The following SPOCK3 variants were observed in gnomAD, a reference collection of about 807,000 sequenced individuals.
The protein encoded by SPOCK3 is testican-3.
Under a neutral mutation model 56.6 loss-of-function variants are expected in SPOCK3, and 30 were observed. That is an observed-to-expected ratio of 0.53 (90% CI 0.40 to 0.72). SPOCK3 has a LOEUF of 0.72. Among genes scored for constraint, SPOCK3 ranks in the 30% least tolerant of loss-of-function variants. The pLI is 0.00. For missense variants in SPOCK3, 527 were observed against 530.0 expected (o/e 0.99, Z 0.06); for synonymous variants, 196 against 183.3 (o/e 1.07, Z -0.56).
At chr4:167,135,974 A>C (rs1257197827) in intron 2 of SPOCK3, among the ~76,000 whole-genome samples, 1 of 152,182 alleles carries the variant, frequency 6.6e-6, no homozygotes, top group Non-Finnish European at 1.5e-5. Flanking sequence ...CTAAAGCAAC[A>C]AACAGTGAAG....
At chr4:166,741,059 G>A (rs1734792946) in intron 9 of SPOCK3, among the ~76,000 whole-genome samples, 1 of 152,112 alleles carries the variant, frequency 6.6e-6, no homozygotes, top group Non-Finnish European at 1.5e-5. Context: ...AAGATAGTAA[G>A]TCAAAATATA....
intron 7 of SPOCK3, among the ~76,000 whole-genome samples, chr4:166,767,804 T>C (rs34794594): frequency 0.46 from 69,781 of 151,972 alleles, 16,542 homozygotes; most frequent in African/African-American, 0.51. Flanking sequence ...AAGTCTTCCA[T>C]TATTATTGTG....
chr4:167,217,200 C>T (rs1352873051), intron 2 of SPOCK3, among the ~76,000 whole-genome samples: 4 of 151,944 alleles, frequency 2.6e-5, no homozygotes, highest in Non-Finnish European at 4.4e-5. Flanking sequence ...ACAAGTTGGA[C>T]AATTTTATTT....
chr4:166,996,128 C>T lies in SPOCK3; in HGVS notation c.350+4221G>A, dbSNP rs146736047. ...ATTATTTTTGATAAGTAGCATTTTA[C>T]ACTACTTTCATCATTTTCTATATAA... On this transcript the variant is annotated intron_variant, in intron 4 of 10. Transcript: ENST00000357545. Among the ~76,000 whole-genome samples, 1,190 of 152,146 alleles carry T rather than the reference C, an allele frequency of 7.8e-3. 13 individuals are homozygous for T. The highest frequency in any genetic ancestry group is 0.027 in the African/African-American group (1,120 of 41,520).
chr4:167,102,201 T>C (rs1236191888), intron 2 of SPOCK3, among the ~76,000 whole-genome samples: 1 of 151,984 alleles, frequency 6.6e-6, no homozygotes, highest in Non-Finnish European at 1.5e-5. Context: ...ACAGGTGACA[T>C]CTCTTTTTTC....
At chr4:167,049,930 C>G (rs1009195637) in intron 3 of SPOCK3, among the ~76,000 whole-genome samples, 2 of 152,104 alleles carry the variant, frequency 1.3e-5, no homozygotes, top group Non-Finnish European at 2.9e-5. Flanking sequence ...GATTATAAAT[C>G]GGTATTTCAT....
chr4:166,770,732 GACCAGACAAA>G, intron 7 of SPOCK3, among the ~76,000 whole-genome samples: 1 of 152,198 alleles, frequency 6.6e-6, no homozygotes, highest in East Asian at 1.9e-4. Context: ...GAGATTGTCA[GACCAGACAAA>G]AATGTCAAAC....
At chr4:166,854,936 G>A (rs568202782) in intron 6 of SPOCK3, among the ~76,000 whole-genome samples, 8 of 152,172 alleles carry the variant, frequency 5.3e-5, no homozygotes, top group Non-Finnish European at 8.8e-5. Flanking sequence ...AAACCGTAAT[G>A]CATTGACATG....
At chr4:167,132,436 T>C (rs1473980513) in intron 2 of SPOCK3, among the ~76,000 whole-genome samples, 1 of 152,180 alleles carries the variant, frequency 6.6e-6, no homozygotes, top group Admixed American at 6.5e-5. Flanking sequence ...TGTCTTAGCA[T>C]GTTAAGGTCT....
chr4:166,882,086 T>G (rs1333887081), intron 6 of SPOCK3, among the ~76,000 whole-genome samples: 1 of 152,138 alleles, frequency 6.6e-6, no homozygotes, highest in African/African-American at 2.4e-5. Context: ...TGCATATAAT[T>G]ATTATTTGTC....
At chr4:166,748,852 G>T (rs1579109096) in intron 8 of SPOCK3, among the ~76,000 whole-genome samples, 1 of 137,122 alleles carries the variant, frequency 7.3e-6, no homozygotes, top group Non-Finnish European at 1.5e-5. Context: ...TTTTTCAAAC[G>T]AAGTCATTTA....
intron 4 of SPOCK3, among the ~76,000 whole-genome samples, chr4:166,954,417 C>A (rs972432790): frequency 2.6e-5 from 4 of 151,888 alleles, no homozygotes; most frequent in African/African-American, 7.3e-5. Flanking sequence ...GATTTTTTTT[C>A]TAGTAGTTTC....
At chr4:167,091,168 T>C (rs965651380) in intron 2 of SPOCK3, among the ~76,000 whole-genome samples, 1 of 152,198 alleles carries the variant, frequency 6.6e-6, no homozygotes, top group Non-Finnish European at 1.5e-5. Flanking sequence ...TGGATGCCTC[T>C]CTGACCACCT....
Position 166,813,251 on chromosome 4 carries a change from T to G in SPOCK3, c.590-20962A>C, listed in dbSNP as rs149845409. Among the ~76,000 whole-genome samples, 397 of 152,134 alleles carry G rather than the reference T, an allele frequency of 2.6e-3. 3 individuals are homozygous for G. Among genetic ancestry groups the G allele is most frequent in the African/African-American group, 9.2e-3 (381 of 41,550 alleles). ...AAGGCTAAATAACTGCACAATCGAA[T>G]AAGCAATAAATATCCAGGGAAGGTT... On this transcript the variant is annotated intron_variant, in intron 6 of 10. Transcript: ENST00000357545.
intron 2 of SPOCK3, among the ~76,000 whole-genome samples, chr4:167,194,703 T>C (rs1225015485): frequency 6.6e-6 from 1 of 152,204 alleles, no homozygotes; most frequent in Non-Finnish European, 1.5e-5. Flanking sequence ...GGTCCCTGGC[T>C]GGCAGGCCTG....
chr4:167,205,380 A>AAT lies in SPOCK3; in HGVS notation c.189+28603_189+28604dup, dbSNP rs1554053261. Among the ~76,000 whole-genome samples, 3 of 38,348 alleles carry AAT rather than the reference A, an allele frequency of 7.8e-5. 1 individual carries two copies. Among genetic ancestry groups the AAT allele is most frequent in the African/African-American group, 3.7e-4 (3 of 8,058 alleles). 25.2% of individuals were successfully genotyped at this position (38,348 alleles called of 152,430 possible). On this transcript the variant is annotated intron_variant, in intron 2 of 10. Coordinates refer to ENST00000357545, the MANE Select transcript of SPOCK3 (RefSeq NM_001040159.2). ...TATATATTATATATTTTATATATAT[A>AAT]ATATATATATTTTATATATAATATA...
At chr4:167,234,406 C>A (rs1470414990) in intron 1 of SPOCK3, 44 bp downstream of exon 1, 1 of 579,188 alleles carries the variant, frequency 1.7e-6, no homozygotes, top group South Asian at 2.1e-5. Flanking sequence ...AAGCCCCAGC[C>A]GCAGCAGCCC....
At chr4:167,135,870 G>A (rs1763079191) in intron 2 of SPOCK3, among the ~76,000 whole-genome samples, 2 of 151,986 alleles carry the variant, frequency 1.3e-5, no homozygotes, top group Admixed American at 6.6e-5. Flanking sequence ...TTCCACTTCC[G>A]ATTTGATCTG....
intron 4 of SPOCK3, among the ~76,000 whole-genome samples, chr4:166,922,159 A>G (rs1448004996): frequency 6.6e-6 from 1 of 152,110 alleles, no homozygotes. Flanking sequence ...ACAGTTTCAT[A>G]CCCAAACCAT....
Sources: allele counts gnomAD v4.1 joint callset (sites outside exome capture counted in the v4.1 genomes callset), GRCh38; gene constraint gnomAD v4.1.1; transcripts MANE v1.5; gene names NCBI Gene and HGNC (gene_info 2026-07-23, HGNC 2026-07-21).